Variants in MECR observed in about 807,000 individuals in gnomAD.
MECR encodes the protein enoyl-[acyl-carrier-protein] reductase, mitochondrial.
MECR carries 37 observed loss-of-function variants against 49.1 expected under a neutral mutation model. The ratio of observed to expected loss-of-function variants is 0.75; its 90% CI spans 0.58 to 0.99. MECR has a LOEUF of 0.99. Among genes scored for constraint, MECR ranks in the 50% least tolerant of loss-of-function variants. The pLI, the probability that MECR is intolerant of heterozygous loss-of-function variation, is 0.00. For missense variants in MECR, 470 were observed against 479.6 expected (o/e 0.98, Z 0.19); for synonymous variants, 198 against 191.1 (o/e 1.04, Z -0.30).
chr1:29,191,329 A>T (rs886670328), downstream of MECR, among the ~76,000 whole-genome samples: 18 of 151,800 alleles, frequency 1.2e-4, no homozygotes, highest in Non-Finnish European at 2.2e-4. Context: ...TTTGAGACAG[A>T]GTCTCTCTCT....
At chr1:29,194,840 G>C (rs1310517639) in intron 9 of MECR, among the ~76,000 whole-genome samples, 3 of 152,170 alleles carry the variant, frequency 2.0e-5, no homozygotes, top group Non-Finnish European at 4.4e-5. Context: ...TCTTGTCTGG[G>C]TGTGGTGCCT....
intron 1 of MECR, among the ~76,000 whole-genome samples, chr1:29,225,865 C>T (rs1681909340): frequency 6.6e-6 from 1 of 152,146 alleles, no homozygotes; most frequent in African/African-American, 2.4e-5. Context: ...CAAAGTCCAT[C>T]TGGCTTAAGA....
At chr1:29,180,765 G>A in the MECR span, among the ~76,000 whole-genome samples, 1 of 152,194 alleles carries the variant, frequency 6.6e-6, no homozygotes, top group Non-Finnish European at 1.5e-5. Flanking sequence ...TTCCTCAACA[G>A]TTTTCCCTAA....
chr1:29,191,890 A>C (rs1432093036), downstream of MECR, among the ~76,000 whole-genome samples: 2 of 152,072 alleles, frequency 1.3e-5, no homozygotes, highest in Non-Finnish European at 2.9e-5. Context: ...TCAGGAGTTC[A>C]AGACCAGCCT....
chr1:29,203,231 C>G lies in MECR; in HGVS notation c.553G>C (p.Asp185His). Residue 185 changes from aspartate (D) to histidine (H), a missense_variant and splice_region_variant, in exon 5 of 10, where the codon GAT becomes CAT. Asp to His is a moderately conservative substitution (Grantham distance 81). Coordinates refer to ENST00000263702, the MANE Select transcript of MECR (RefSeq NM_016011.5). ...LMDFEQLQPGDSVIQNASNSG... is the reference protein window; with the variant it reads ...LMDFEQLQPGHSVIQNASNSG... ...TTGGATGCATTCTGGATGACAGAATCCCCTGTGGAGCCAGGAAGAGAACCA... is the reference window on the plus strand; with the variant it reads ...TTGGATGCATTCTGGATGACAGAATGCCCTGTGGAGCCAGGAAGAGAACCA... The G allele has an allele frequency of 6.4e-7, 1 of 1,573,830 alleles. No individual in the cohort carries two copies. Among genetic ancestry groups the G allele is most frequent in the Non-Finnish European group, 8.7e-7 (1 of 1,155,326 alleles).
intron 7 of MECR, among the ~76,000 whole-genome samples, chr1:29,200,000 A>T (rs1452768478): frequency 6.6e-6 from 1 of 151,924 alleles, no homozygotes; most frequent in East Asian, 1.9e-4. Context: ...GCCTCAAGTG[A>T]TGCTTCCTCC....
At chr1:29,228,716 G>C (rs573459542) in intron 1 of MECR, among the ~76,000 whole-genome samples, 188 of 152,234 alleles carry the variant, frequency 1.2e-3, no homozygotes, top group Non-Finnish European at 2.1e-3. Flanking sequence ...AAACAGACCG[G>C]TCTGTTCCAG....
the MECR span, among the ~76,000 whole-genome samples, chr1:29,177,094 T>C: frequency 6.6e-6 from 1 of 152,224 alleles, no homozygotes; most frequent in Non-Finnish European, 1.5e-5. Flanking sequence ...AAAGGGCAAC[T>C]AGTGTACTCA....
chr1:29,176,108 C>A, the MECR span, among the ~76,000 whole-genome samples: 1 of 151,928 alleles, frequency 6.6e-6, no homozygotes, highest in Non-Finnish European at 1.5e-5. Flanking sequence ...AAAAATTAGC[C>A]GGGCGTGGTG....
the MECR span, among the ~76,000 whole-genome samples, chr1:29,175,827 T>C: frequency 6.6e-6 from 1 of 152,150 alleles, no homozygotes; most frequent in Admixed American, 6.6e-5. Flanking sequence ...CAAAACTTGT[T>C]TTAACCTCTT....
rs377112889 is a variant in MECR at position 29,194,182 on chromosome 1, G to A, written c.965-3C>T. On this transcript the variant is annotated splice_polypyrimidine_tract_variant and splice_region_variant and intron_variant, in intron 9 of 9. Transcript: ENST00000263702. ...GAGGATCAGCTCCTTGAACTGGTCT[G>A]CGGGAGGTTGGAGGAAATCAGACAA... 3.1e-6 allele frequency: 5 copies of A among 1,598,966 alleles called. No homozygotes were observed. Among genetic ancestry groups the A allele is most frequent in the Non-Finnish European group, 4.3e-6 (5 of 1,172,388 alleles).
In MECR at chr1:29,215,990, C is replaced by T. The variant is rs905609143; in HGVS notation, c.406+15G>A. 6.2e-7 allele frequency: 1 copy of T among 1,613,472 alleles called. No homozygotes were observed. Among genetic ancestry groups the T allele is most frequent in the Non-Finnish European group, 8.5e-7 (1 of 1,179,626 alleles). ...TGGAAGAACGAATAGGCAGCTGACACCTGGAGAAACTCACCTAAACCAGCA... is the reference window on the plus strand; with the variant it reads ...TGGAAGAACGAATAGGCAGCTGACATCTGGAGAAACTCACCTAAACCAGCA... On this transcript the variant is annotated intron_variant, in intron 3 of 9. Transcript: ENST00000263702.
Position 29,201,888 on chromosome 1 carries a change from T to A in MECR, c.756+55A>T. ...CCCAGTTTCTCTAATGCATGTCAAC[T>A]TTCTTCAGGGAGATGTGCGTGGACT... On this transcript the variant is annotated intron_variant, in intron 6 of 9. Transcript: ENST00000263702. The surrounding 1 kb of genome is among the most constrained non-coding windows in gnomAD (Gnocchi z 4.3). 1 of 1,425,364 alleles carries A rather than the reference T, an allele frequency of 7.0e-7. No homozygotes were observed. Among genetic ancestry groups the A allele is most frequent in the East Asian group, 2.3e-5 (1 of 44,010 alleles). 88.3% of individuals were successfully genotyped at this position (1,425,364 alleles called of 1,614,324 possible).
downstream of MECR, among the ~76,000 whole-genome samples, chr1:29,189,837 A>G (rs1284518310): frequency 1.3e-5 from 2 of 152,098 alleles, no homozygotes; most frequent in Non-Finnish European, 2.9e-5. Context: ...CTGCCAACAC[A>G]ATAAAGTCCA....
chr1:29,174,275 A>C, the MECR span, among the ~76,000 whole-genome samples: 1 of 152,216 alleles, frequency 6.6e-6, no homozygotes, highest in Non-Finnish European at 1.5e-5. Context: ...TTTACCGAGT[A>C]ATGGAATAGC....
intron 1 of MECR, chr1:29,223,048 A>G: frequency 1.0e-6 from 1 of 976,724 alleles, no homozygotes; most frequent in Non-Finnish European, 1.2e-6. Context: ...ACAAACAAAC[A>G]AAACTCACCA....
At chr1:29,192,432 C>A (rs993255547), downstream of MECR, among the ~76,000 whole-genome samples, 1 of 152,154 alleles carries the variant, frequency 6.6e-6, no homozygotes, top group African/African-American at 2.4e-5. Context: ...GAACTGGGGC[C>A]CCTGTGTGTC....
intron 9 of MECR, among the ~76,000 whole-genome samples, chr1:29,195,150 C>T (rs531086697): frequency 8.5e-5 from 13 of 152,208 alleles, no homozygotes; most frequent in African/African-American, 3.1e-4. Context: ...CAAAAAAACC[C>T]ATGAGTCTGA....
chr1:29,195,821 T>A (rs994378885), intron 9 of MECR, 120 bp downstream of exon 9: 2 of 978,370 alleles, frequency 2.0e-6, no homozygotes, highest in Non-Finnish European at 3.3e-6. Flanking sequence ...TTCTCTTTGA[T>A]CCTTCTGTGG....
Sources: allele counts gnomAD v4.1 joint callset (sites outside exome capture counted in the v4.1 genomes callset), GRCh38; gene constraint gnomAD v4.1.1; non-coding constraint Gnocchi (gnomAD v3.1); transcripts MANE v1.5; gene names NCBI Gene and HGNC (gene_info 2026-07-23, HGNC 2026-07-21).